Variants in PIN4 observed in about 807,000 individuals in gnomAD.
PIN4 encodes the protein peptidylprolyl cis/trans isomerase, NIMA-interacting 4.
In PIN4, 3 loss-of-function variants were observed where a neutral mutation model predicts 8.3. That is an observed-to-expected ratio of 0.36 (90% confidence interval 0.16 to 0.93). The LOEUF is 0.93. Among genes scored for constraint, PIN4 ranks in the 40% least tolerant of loss-of-function variants. The pLI, the probability that PIN4 is intolerant of heterozygous loss-of-function variation, is 0.44. For missense variants in PIN4, 75 were observed against 100.6 expected (o/e 0.75, Z 1.09); for synonymous variants, 18 against 32.5 (o/e 0.55, Z 1.52).
At chrX:72,254,556 A>G (rs1214651286) in intron 3 of PIN4, among the ~76,000 whole-genome samples, 1 of 112,494 alleles carries the variant, frequency 8.9e-6, no homozygotes, top group Non-Finnish European at 1.9e-5. Flanking sequence ...GAATTAATGA[A>G]TAGTTTAACA....
intron 2 of PIN4, among the ~76,000 whole-genome samples, chrX:72,191,177 TA>T (rs112974185): frequency 1.8e-5 from 2 of 109,827 alleles, no homozygotes; most frequent in Non-Finnish European, 3.8e-5. Flanking sequence ...CAGATTCGCC[TA>T]AAAAAATACG....
chrX:72,251,750 A>C (rs903393654), intron 3 of PIN4, among the ~76,000 whole-genome samples: 3 of 110,316 alleles, frequency 2.7e-5, no homozygotes, highest in African/African-American at 9.9e-5. Context: ...CCATAGACTG[A>C]GTGGTTTAAA....
At chrX:72,181,744 C>G (rs375360841), upstream of PIN4, 13 of 1,179,772 alleles carry the variant, frequency 1.1e-5, no homozygotes, top group African/African-American at 2.3e-4. Context: ...GGGGCTTGTA[C>G]GGCAACTGGA....
At position 72,192,098 on chromosome X, in the gene PIN4, T is replaced by C. The variant is rs183104639; in HGVS notation, c.118-4687T>C. Among the ~76,000 whole-genome samples the C allele has an allele frequency of 4.7e-4, 52 of 110,576 alleles. 1 individual carries two copies. The highest frequency in any genetic ancestry group is 1.6e-3 in the African/African-American group (48 of 30,314). ...TCCCGAGTAGCTGGGATTACAGGCATCCACCACCACTCCCGGCTAATTGTT... is the reference window on the plus strand; with the variant it reads ...TCCCGAGTAGCTGGGATTACAGGCACCCACCACCACTCCCGGCTAATTGTT... On this transcript the variant is annotated intron_variant, in intron 2 of 3. Coordinates refer to ENST00000373669, the MANE Select transcript of PIN4 (RefSeq NM_006223.4).
downstream of PIN4, among the ~76,000 whole-genome samples, chrX:72,201,245 C>T (rs2042788900): frequency 1.8e-5 from 2 of 111,442 alleles, no homozygotes; most frequent in South Asian, 3.7e-4. Flanking sequence ...AAGTAAAATA[C>T]ATAGGATTAC....
At chrX:72,223,462 T>C (rs766182198) in intron 3 of PIN4, among the ~76,000 whole-genome samples, 6 of 107,090 alleles carry the variant, frequency 5.6e-5, no homozygotes, top group African/African-American at 1.7e-4. Context: ...TGATCTTGGC[T>C]CACTGCAACT....
At chrX:72,182,490 A>G (rs1056425628) in intron 1 of PIN4, among the ~76,000 whole-genome samples, 14 of 109,407 alleles carry the variant, frequency 1.3e-4, no homozygotes, top group South Asian at 4.0e-4. Context: ...GTTGCAATGA[A>G]CCGAGATCGC....
intron 3 of PIN4, among the ~76,000 whole-genome samples, chrX:72,247,695 C>T (rs2043071806): frequency 8.9e-6 from 1 of 112,597 alleles, no homozygotes; most frequent in African/African-American, 3.2e-5. Flanking sequence ...TTTCTACAGC[C>T]CTTCAAAGGT....
In PIN4 at chrX:72,222,597, T is replaced by C. The variant is rs190052265; in HGVS notation, c.312+25693T>C. ...AAGGAGCCCCAGGAGAATCCAGCCT[T>C]TTTTTTTTTTTTTTTTTTTAGATGG... On this transcript the variant is annotated intron_variant, in intron 3 of 3. Coordinates refer to the PIN4 transcript ENST00000423432. Among the ~76,000 whole-genome samples, 594 of 43,629 alleles carry C rather than the reference T, an allele frequency of 0.014. 8 individuals are homozygous for C. In the East Asian group the frequency reaches 0.22, roughly 16 times the overall value. 37.9% of individuals were successfully genotyped at this position (43,629 alleles called of 115,157 possible). A position where few individuals can be genotyped will look rare whatever the true frequency, so the allele number is the denominator to read the frequency against.
intron 3 of PIN4, among the ~76,000 whole-genome samples, chrX:72,250,037 C>T (rs1439216918): frequency 9.1e-6 from 1 of 109,429 alleles, no homozygotes; most frequent in Non-Finnish European, 1.9e-5. Flanking sequence ...CCGCTGATAA[C>T]ATTACCACCA....
At chrX:72,226,073 G>A (rs1311947488) in intron 3 of PIN4, among the ~76,000 whole-genome samples, 1 of 111,359 alleles carries the variant, frequency 9.0e-6, no homozygotes, top group African/African-American at 3.3e-5. Context: ...CCTCCTGCAT[G>A]CAGGCCTTAC....
At chrX:72,196,734 A>C in intron 2 of PIN4, 51 bp from the exon 3 acceptor site, 1 of 1,113,090 alleles carries the variant, frequency 9.0e-7, no homozygotes, top group African/African-American at 1.8e-5. Flanking sequence ...CTGTACTTTA[A>C]GGAGTCATTT....
At chrX:72,193,261 A>G (rs2042745473) in intron 2 of PIN4, among the ~76,000 whole-genome samples, 1 of 111,668 alleles carries the variant, frequency 9.0e-6, no homozygotes, top group African/African-American at 3.3e-5. Context: ...ATTGTATCAG[A>G]CAATCACTTT....
chrX:72,208,357 G>A (rs2042833164), intron 3 of PIN4: 1 of 1,209,985 alleles, frequency 8.3e-7, no homozygotes, highest in South Asian at 1.8e-5. Flanking sequence ...AAACATACCG[G>A]AAAGGAAAGC....
intron 3 of PIN4, among the ~76,000 whole-genome samples, chrX:72,251,362 C>CA (rs35914181): frequency 4.6e-5 from 3 of 65,614 alleles, no homozygotes; most frequent in African/African-American, 1.9e-4. Context: ...GACTCTGTCT[C>CA]AAAAAAAAAA....
intron 3 of PIN4, chrX:72,238,943 G>GGGAGTTTGGAGCTT (rs1556405332): frequency 4.7e-5 from 53 of 1,123,443 alleles, no homozygotes; most frequent in African/African-American, 2.0e-4. Context: ...TTACCCCGGC[G>GGGAGTTTGGAGCTT]GGAGTTTGGA....
chrX:72,194,625 T>G (rs1233342461), intron 2 of PIN4, among the ~76,000 whole-genome samples: 1 of 98,271 alleles, frequency 1.0e-5, no homozygotes, highest in East Asian at 3.0e-4. Context: ...TCACTTGAAC[T>G]AAGGAGGGGG....
Position 72,197,796 on chromosome X carries a change from C to T in PIN4, c.*270C>T, listed in dbSNP as rs187600228. ...CTTTAACCTGTATTCTCTTTCCTCC[C>T]AGAACTATATCTGACTCTCAGTCTG... On this transcript the variant is annotated 3_prime_UTR_variant, in exon 4 of 4. Transcript: ENST00000373669. 7.7e-4 allele frequency: 631 copies of T among 824,388 alleles called. 5 individuals carry two copies. In the African/African-American group the frequency reaches 0.011, roughly 15 times the overall value. The allele number at this position is 824,388 out of a possible 1,213,427, so 67.9% of individuals were successfully genotyped here.
intron 3 of PIN4, chrX:72,208,806 C>T (rs2042836001): frequency 1.6e-6 from 1 of 634,061 alleles, no homozygotes; most frequent in Non-Finnish European, 2.4e-6. Context: ...TTTTAATATC[C>T]TCAATTCAGG....
Sources: gnomAD v4.1 joint callset for allele counts (sites outside exome capture counted in the v4.1 genomes callset) on GRCh38, gnomAD v4.1.1 for gene constraint, MANE v1.5 for transcripts, NCBI Gene and HGNC (gene_info 2026-07-23, HGNC 2026-07-21) for gene names.